COL4A2: variants seen among roughly 807,000 people sequenced by gnomAD.
COL4A2 encodes the protein collagen alpha-2(IV) chain.
A neutral mutation model predicts 200.2 loss-of-function variants in COL4A2; 99 were observed. The observed-to-expected ratio is 0.49, with a 90% confidence interval of 0.42 to 0.58. The LOEUF is 0.58. Among genes scored for constraint, COL4A2 ranks in the 20% least tolerant of loss-of-function variants. The pLI is 0.00. For missense variants in COL4A2, 1,950 were observed against 2,314.1 expected (o/e 0.84, Z 3.23); for synonymous variants, 897 against 900.6 (o/e 1.00, Z 0.07).
Position 110,439,771 on chromosome 13 carries a change from G to T in COL4A2, c.913-18G>T. 1 of 1,613,826 alleles carries T rather than the reference G, an allele frequency of 6.2e-7. No homozygotes were observed. ...TGCATATTCTGAGCTGTTTGCTTCT[G>T]TTTTTTGTTCATTCCAGGGTTACCC... On this transcript the variant is annotated intron_variant, in intron 15 of 47. Coordinates refer to ENST00000360467, the MANE Select transcript of COL4A2 (RefSeq NM_001846.4).
In COL4A2 at chr13:110,432,898, G is replaced by A. The variant is rs975892329; in HGVS notation, c.684+538G>A. 5.9e-5 allele frequency among the ~76,000 whole-genome samples: 9 copies of A among 152,236 alleles called. No homozygotes were observed. In the South Asian group the frequency reaches 1.9e-3, roughly 32 times the overall value. On this transcript the variant is annotated intron_variant, in intron 11 of 47. Coordinates refer to ENST00000360467, the MANE Select transcript of COL4A2 (RefSeq NM_001846.4). ...ATTAAGTTGATTGGAACACAGCAAA[G>A]TAGGTGGTTTGTTAGAAACTCGGAG...
In COL4A2 at chr13:110,480,323, G is replaced by T; in HGVS notation, c.2691G>T (p.Glu897Asp). ...GDRGDAGFTG[E>D]QGHPGSPGFK... ...GAGGAGATGCTGGCTTCACAGGGGA[G>T]CAAGGCCATCCAGGAAGCCCTGGAT... is the stretch of plus-strand genomic sequence containing the variant. Residue 897 changes from glutamate to aspartate, a missense_variant, in exon 31 of 48, where the codon GAG (glutamate) becomes GAT (aspartate). This residue lies in a region of COL4A2 where 1,385 missense variants were observed against 1,720.5 expected (regional missense o/e 0.80). Transcript: ENST00000360467. The T allele has an allele frequency of 6.2e-7, 1 of 1,614,038 alleles. No homozygotes were observed. Among genetic ancestry groups the T allele is most frequent in the Non-Finnish European group, 8.5e-7 (1 of 1,179,952 alleles).
chr13:110,492,259 C>T lies in COL4A2; in HGVS notation c.3562+82C>T, dbSNP rs371818721. The stretch of plus-strand genomic sequence containing the variant: ...GGCACCGCTGAGCAGGCCAGCCTCT[C>T]TCAGGGCGACTTCTAAGGCCCATAC... On this transcript the variant is annotated intron_variant, in intron 38 of 47. Transcript: ENST00000360467. The T allele has an allele frequency of 6.5e-5, 80 of 1,223,690 alleles. No individual in the cohort carries two copies. The African/African-American group carries it at 7.3e-4, about 11-fold the overall frequency. The allele number at this position is 1,223,690 out of a possible 1,614,324, so 75.8% of individuals were successfully genotyped here.
rs1341684474 is a variant in COL4A2, at chr13:110,507,952, C to G, written c.4612C>G (p.Leu1538Val). 1 of 1,613,926 alleles carries G rather than the reference C, an allele frequency of 6.2e-7. No homozygotes were observed. The highest frequency in any genetic ancestry group is 8.5e-7 in the Non-Finnish European group (1 of 1,179,908). The stretch of plus-strand genomic sequence containing the variant: ...TTCCACAGGGCTGGCGGGCTCCTGC[C>G]TGGCGCGGTTCAGCACCATGCCCTT... ...NQDLGLAGSC[L>V]ARFSTMPFLY... The change falls in exon 47 of 48, where the codon CTG (leucine) becomes GTG (valine). Residue 1538 changes from leucine (L) to valine (V), a missense_variant. Transcript: ENST00000360467.
intron 4 of COL4A2, among the ~76,000 whole-genome samples, chr13:110,358,325 C>A (rs993995279): frequency 6.6e-6 from 1 of 152,190 alleles, no homozygotes; most frequent in Non-Finnish European, 1.5e-5. Context: ...TCTTGTCCCA[C>A]CAGAAGGTCT....
At chr13:110,352,107 T>C (rs1876986546) in intron 3 of COL4A2, among the ~76,000 whole-genome samples, 1 of 152,216 alleles carries the variant, frequency 6.6e-6, no homozygotes, top group Non-Finnish European at 1.5e-5. Context: ...ATGATGATGA[T>C]GATGATGACG....
chr13:110,488,972 G>A (rs1289715275), intron 34 of COL4A2, among the ~76,000 whole-genome samples: 17 of 152,204 alleles, frequency 1.1e-4, no homozygotes, highest in Admixed American at 1.1e-3. Flanking sequence ...GCTCACGCCT[G>A]TAATCCCAGC....
At chr13:110,356,884 G>A (rs1877295956) in intron 3 of COL4A2, among the ~76,000 whole-genome samples, 1 of 151,752 alleles carries the variant, frequency 6.6e-6, no homozygotes, top group African/African-American at 2.4e-5. Flanking sequence ...TCCTGCCTCA[G>A]CCTCCTAAGT....
chr13:110,462,246 C>G lies in COL4A2; in HGVS notation c.1670-32C>G, dbSNP rs368047200. On this transcript the variant is annotated intron_variant, in intron 23 of 47. Coordinates refer to ENST00000360467, the MANE Select transcript of COL4A2 (RefSeq NM_001846.4). ...ACTGAGCCTTCCTGTGGGCACCTGCCTGGGCAGCTTCACATGCAAATCCCT... is the reference window on the plus strand; with the variant it reads ...ACTGAGCCTTCCTGTGGGCACCTGCGTGGGCAGCTTCACATGCAAATCCCT... The G allele has an allele frequency of 7.4e-6, 12 of 1,614,146 alleles. No homozygotes were observed. The African/African-American group carries it at 1.5e-4, about 20-fold the overall frequency.
In COL4A2 at chr13:110,491,018, G is replaced by T. The variant is rs144669152; in HGVS notation, c.3347-215G>T. 7.2e-5 allele frequency among the ~76,000 whole-genome samples: 11 copies of T among 152,268 alleles called. No homozygotes were observed. The East Asian group carries it at 2.1e-3, about 29-fold the overall frequency. ...TGTTTTCCCTAAGACAGTGAGGGGT[G>T]CATGGGTACATGGGTGCTGCCTTGG... On this transcript the variant is annotated intron_variant, in intron 36 of 47. Transcript: ENST00000360467.
At chr13:110,341,744 C>T (rs1594157594) in intron 3 of COL4A2, among the ~76,000 whole-genome samples, 1 of 152,196 alleles carries the variant, frequency 6.6e-6, no homozygotes, top group African/African-American at 2.4e-5. Flanking sequence ...TCAGTTTCTC[C>T]TTGTTTCCAG....
chr13:110,459,075 A>G, intron 22 of COL4A2, 141 bp downstream of exon 22: 1 of 817,506 alleles, frequency 1.2e-6, no homozygotes. Context: ...AACCATTCTA[A>G]AAACCCACAT....
intron 39 of COL4A2, among the ~76,000 whole-genome samples, chr13:110,493,922 A>G (rs991171159): frequency 1.3e-5 from 2 of 151,872 alleles, no homozygotes; most frequent in Non-Finnish European, 2.9e-5. Flanking sequence ...TTGGGGCCCC[A>G]CCCTCATGAC....
chr13:110,404,715 T>C (rs919811307), intron 4 of COL4A2, among the ~76,000 whole-genome samples: 2 of 151,834 alleles, frequency 1.3e-5, no homozygotes, highest in Non-Finnish European at 2.9e-5. Context: ...GAAGACCAAG[T>C]GGATAGAGAG....
At chr13:110,462,433 C>T in intron 24 of COL4A2, 49 bp downstream of exon 24, 1 of 1,589,914 alleles carries the variant, frequency 6.3e-7, no homozygotes, top group Middle Eastern at 2.1e-4. Context: ...CTTCATCCTT[C>T]AGGTTCTCCA....
At chr13:110,388,913 A>G (rs913953275) in intron 4 of COL4A2, among the ~76,000 whole-genome samples, 1 of 152,080 alleles carries the variant, frequency 6.6e-6, no homozygotes, top group African/African-American at 2.4e-5. Flanking sequence ...CTTCTGACCC[A>G]TTGGCTCCCC....
At chr13:110,309,958 T>A (rs1469901572) in intron 3 of COL4A2, among the ~76,000 whole-genome samples, 1 of 152,156 alleles carries the variant, frequency 6.6e-6, no homozygotes, top group Non-Finnish European at 1.5e-5. Context: ...ACCACTGCTC[T>A]CCAGTCTGGG....
At chr13:110,366,387 G>A (rs1405854379) in intron 4 of COL4A2, among the ~76,000 whole-genome samples, 15 of 152,178 alleles carry the variant, frequency 9.9e-5, no homozygotes, top group African/African-American at 3.1e-4. Flanking sequence ...TATCTCAGCG[G>A]TCCTTTAGAG....
intron 4 of COL4A2, among the ~76,000 whole-genome samples, chr13:110,397,171 G>A (rs1463378374): frequency 2.0e-5 from 3 of 152,164 alleles, no homozygotes; most frequent in East Asian, 1.9e-4. Flanking sequence ...CTGTTTATCC[G>A]CCCCCATTGA....
Sources: gnomAD v4.1 joint callset for allele counts (sites outside exome capture counted in the v4.1 genomes callset) on GRCh38, gnomAD v4.1.1 for gene constraint, gnomAD v4.1.1 regional missense constraint, MANE v1.5 for transcripts, NCBI Gene and HGNC (gene_info 2026-07-23, HGNC 2026-07-21) for gene names.